ASTN2: variants seen among roughly 807,000 people sequenced by gnomAD.
The protein encoded by ASTN2 is astrotactin-2.
In ASTN2, 54 loss-of-function variants were observed where a neutral mutation model predicts 139.8. That is an observed-to-expected ratio of 0.39 (90% CI 0.31 to 0.48). ASTN2 has a LOEUF of 0.48. ASTN2 is among the 20% of genes least tolerant of loss of function. The pLI, the probability that ASTN2 is intolerant of heterozygous loss-of-function variation, is 0.95. For missense variants in ASTN2, 1,565 were observed against 1,725.1 expected (o/e 0.91, Z 1.64); for synonymous variants, 756 against 719.5 (o/e 1.05, Z -0.81).
chr9:116,494,495 C>T lies in ASTN2; in HGVS notation c.3356-6995G>A, dbSNP rs1237949527. On this transcript the variant is annotated intron_variant, in intron 19 of 22. Coordinates refer to ENST00000313400, the MANE Select transcript of ASTN2 (RefSeq NM_001365068.1). ...TTACATCATATCTAACTCCCTAAAA[C>T]CTTCCTGTTTTTTTGCAAAAAGAAG... Among the ~76,000 whole-genome samples the T allele has an allele frequency of 3.3e-5, 5 of 151,912 alleles. No individual in the cohort carries two copies. The East Asian group carries it at 9.6e-4, about 29-fold the overall frequency.
intron 1 of ASTN2, among the ~76,000 whole-genome samples, chr9:117,408,640 C>T (rs1306503166): frequency 6.6e-6 from 1 of 152,180 alleles, no homozygotes; most frequent in East Asian, 1.9e-4. Flanking sequence ...ATTTTGCAGA[C>T]TGAGGTCCCA....
chr9:116,814,560 A>C (rs975070879), intron 12 of ASTN2, among the ~76,000 whole-genome samples: 3 of 152,318 alleles, frequency 2.0e-5, no homozygotes, highest in Admixed American at 6.5e-5. Flanking sequence ...ACAAGGAAAA[A>C]AAAAAGACTG....
At chr9:116,471,282 GA>G (rs1402944385) in intron 20 of ASTN2, among the ~76,000 whole-genome samples, 4 of 152,204 alleles carry the variant, frequency 2.6e-5, no homozygotes, top group Non-Finnish European at 4.4e-5. Context: ...GTGAGAGTCA[GA>G]TAGGCAGCTC....
At position 116,475,850 on chromosome 9, in the gene ASTN2, A is replaced by G. The variant is rs1400143272; in HGVS notation, c.3497+11509T>C. ...GATGATGAGGTCCTCGCCTGCCTCC[A>G]TAGCCCCAAATCTCCTACTTTCCCT... On this transcript the variant is annotated intron_variant, in intron 20 of 22. Transcript: ENST00000313400. Among the ~76,000 whole-genome samples the G allele has an allele frequency of 2.0e-5, 3 of 152,228 alleles. 1 individual carries two copies. Among genetic ancestry groups the G allele is most frequent in the African/African-American group, 4.8e-5 (2 of 41,538 alleles).
chr9:117,019,182 GA>G (rs201661911), intron 6 of ASTN2, among the ~76,000 whole-genome samples: 31 of 149,042 alleles, frequency 2.1e-4, no homozygotes, highest in African/African-American at 6.4e-4. Flanking sequence ...AAGAGAGGGA[GA>G]AAAAAAAACA....
intron 10 of ASTN2, among the ~76,000 whole-genome samples, chr9:116,875,890 A>C (rs1195353242): frequency 6.6e-6 from 1 of 152,218 alleles, no homozygotes; most frequent in Non-Finnish European, 1.5e-5. Flanking sequence ...TGCTCAGAAA[A>C]ATGAGCTGTG....
At chr9:117,328,819 G>T (rs555989319) in intron 1 of ASTN2, among the ~76,000 whole-genome samples, 2 of 152,328 alleles carry the variant, frequency 1.3e-5, no homozygotes, top group South Asian at 4.2e-4. Flanking sequence ...TTAGCAACAG[G>T]TCGCTGTGAG....
intron 21 of ASTN2, 80 bp from the exon 22 acceptor site, chr9:116,440,872 G>A: frequency 7.1e-7 from 1 of 1,408,590 alleles, no homozygotes; most frequent in South Asian, 1.4e-5. Flanking sequence ...CAATAAGAAA[G>A]GCACAGTGGT....
At chr9:117,021,929 GA>G (rs1186335932) in intron 6 of ASTN2, among the ~76,000 whole-genome samples, 1 of 152,114 alleles carries the variant, frequency 6.6e-6, no homozygotes, top group Non-Finnish European at 1.5e-5. Context: ...GTTCTACTGT[GA>G]AATAAAAGAA....
chr9:116,503,449 T>C (rs1364192371), intron 19 of ASTN2, among the ~76,000 whole-genome samples: 1 of 152,110 alleles, frequency 6.6e-6, no homozygotes, highest in Non-Finnish European at 1.5e-5. Context: ...AAATTTTCCT[T>C]GAAATAAAGA....
intron 17 of ASTN2, among the ~76,000 whole-genome samples, chr9:116,624,099 C>T (rs1025573965): frequency 6.6e-6 from 1 of 152,078 alleles, no homozygotes; most frequent in Non-Finnish European, 1.5e-5. Flanking sequence ...CTTGTAAACG[C>T]TTCCAACTTC....
At chr9:116,779,727 C>T (rs1433408610) in intron 13 of ASTN2, among the ~76,000 whole-genome samples, 2 of 152,066 alleles carry the variant, frequency 1.3e-5, no homozygotes, top group Non-Finnish European at 2.9e-5. Flanking sequence ...ATAAATTTCC[C>T]CAAAGCCATG....
At chr9:116,482,302 G>A (rs1345353528) in intron 20 of ASTN2, among the ~76,000 whole-genome samples, 1 of 151,948 alleles carries the variant, frequency 6.6e-6, no homozygotes, top group Non-Finnish European at 1.5e-5. Flanking sequence ...CTCCAGCCTG[G>A]GTGACAGAGC....
At chr9:116,785,645 G>T (rs922934404) in intron 13 of ASTN2, among the ~76,000 whole-genome samples, 3 of 152,136 alleles carry the variant, frequency 2.0e-5, no homozygotes, top group Non-Finnish European at 2.9e-5. Context: ...CTGTCCAACT[G>T]CTCAGGCAAA....
At chr9:116,560,204 C>T (rs751360578) in intron 19 of ASTN2, among the ~76,000 whole-genome samples, 6 of 152,164 alleles carry the variant, frequency 3.9e-5, no homozygotes, top group Non-Finnish European at 8.8e-5. Context: ...TCTCTTGCCT[C>T]CTTGCAATTC....
intron 10 of ASTN2, among the ~76,000 whole-genome samples, chr9:116,880,438 T>C (rs368244346): frequency 6.6e-6 from 1 of 152,180 alleles, no homozygotes. Flanking sequence ...CACACCAAAA[T>C]AATTCTTTCC....
intron 10 of ASTN2, among the ~76,000 whole-genome samples, chr9:116,925,510 C>T (rs987523724): frequency 6.6e-6 from 1 of 152,184 alleles, no homozygotes; most frequent in Non-Finnish European, 1.5e-5. Context: ...GAAGGACATG[C>T]AGATGTATGT....
chr9:117,115,475 A>T (rs993391589), intron 4 of ASTN2, among the ~76,000 whole-genome samples: 4 of 152,118 alleles, frequency 2.6e-5, no homozygotes, highest in Non-Finnish European at 5.9e-5. Flanking sequence ...GTAAGCCGAG[A>T]TCATGCCACT....
At chr9:116,724,752 G>T (rs1482022580) in intron 16 of ASTN2, among the ~76,000 whole-genome samples, 2 of 152,180 alleles carry the variant, frequency 1.3e-5, no homozygotes, top group Non-Finnish European at 2.9e-5. Flanking sequence ...ATGCAAGCAT[G>T]TTTTTAACAT....
Sources: allele counts gnomAD v4.1 joint callset (sites outside exome capture counted in the v4.1 genomes callset), GRCh38; gene constraint gnomAD v4.1.1; transcripts MANE v1.5; gene names NCBI Gene and HGNC (gene_info 2026-07-23, HGNC 2026-07-21).